Variants in HDLBP observed in about 807,000 individuals in gnomAD.
The protein encoded by HDLBP is high density lipoprotein binding protein.
A neutral mutation model predicts 137.3 loss-of-function variants in HDLBP; 30 were observed. The ratio of observed to expected loss-of-function variants is 0.22; its 90% CI spans 0.16 to 0.30. The LOEUF (loss-of-function observed/expected upper bound fraction) is 0.30, where lower values mean the gene tolerates loss of function less well. Among genes scored for constraint, HDLBP ranks in the 10% least tolerant of loss-of-function variants. HDLBP has a pLI of 1.00. For synonymous variants in HDLBP, 606 were observed against 596.0 expected (o/e 1.02, Z -0.24); for missense variants, 1,119 against 1,667.3 (o/e 0.67, Z 5.73).
intron 1 of HDLBP, among the ~76,000 whole-genome samples, chr2:241,275,414 G>C (rs1169709102): frequency 6.6e-6 from 1 of 152,108 alleles, no homozygotes; most frequent in Non-Finnish European, 1.5e-5. Flanking sequence ...TGGAACGAAT[G>C]AAAGAGCTAA....
intron 1 of HDLBP, among the ~76,000 whole-genome samples, chr2:241,292,224 A>G (rs1353993269): frequency 2.0e-5 from 3 of 151,276 alleles, no homozygotes; most frequent in Non-Finnish European, 4.4e-5. Context: ...AAACCAATTA[A>G]GCATCCTGAC....
At chr2:241,252,220 T>A (rs1276240614) in intron 11 of HDLBP, among the ~76,000 whole-genome samples, 1 of 151,168 alleles carries the variant, frequency 6.6e-6, no homozygotes, top group East Asian at 2.0e-4. Context: ...AGAATCCCCC[T>A]GCTGGGTGTG....
chr2:241,301,562 A>G (rs1490790217), intron 1 of HDLBP, among the ~76,000 whole-genome samples: 3 of 152,306 alleles, frequency 2.0e-5, no homozygotes, highest in Non-Finnish European at 4.4e-5. Flanking sequence ...CACACCTGTA[A>G]TCATCTAATA....
intron 1 of HDLBP, among the ~76,000 whole-genome samples, chr2:241,278,304 C>T (rs1422983704): frequency 6.6e-6 from 1 of 152,206 alleles, no homozygotes; most frequent in African/African-American, 2.4e-5. Flanking sequence ...TTCAAATAGG[C>T]TGGGCACGGT....
chr2:241,239,351 CCT>C lies in HDLBP; in HGVS notation c.2610+249_2610+250del, dbSNP rs1450722972. ...TGCTTTCTTTCCTCTCTCTCTCTCC[CCT>C]CTCCTCTTCTCCTTCTCTCTCTCTT... On this transcript the variant is annotated intron_variant, in intron 19 of 27. Coordinates refer to ENST00000310931, the MANE Select transcript of HDLBP (RefSeq NM_005336.6). This position sits in a 1 kb window ranked among gnomAD's most constrained non-coding sequence, Gnocchi z 4.6. Among the ~76,000 whole-genome samples, 2 of 152,076 alleles carry C rather than the reference CCT, an allele frequency of 1.3e-5. No individual in the cohort carries two copies. The highest frequency in any genetic ancestry group is 1.3e-4 in the Admixed American group (2 of 15,264).
At chr2:241,298,396 G>C (rs568209959) in intron 1 of HDLBP, among the ~76,000 whole-genome samples, 3 of 151,922 alleles carry the variant, frequency 2.0e-5, no homozygotes, top group Non-Finnish European at 2.9e-5. Flanking sequence ...AAAATAAATA[G>C]ATAAATAAAT....
chr2:241,273,488 G>A, intron 1 of HDLBP: 1 of 656,436 alleles, frequency 1.5e-6, no homozygotes, highest in Non-Finnish European at 1.9e-6. Flanking sequence ...GGGCGGAACG[G>A]AATCCCTACT....
chr2:241,237,847 GACA>G (rs2070744810), intron 20 of HDLBP, among the ~76,000 whole-genome samples: 1 of 152,186 alleles, frequency 6.6e-6, no homozygotes, highest in Non-Finnish European at 1.5e-5. Context: ...GTAAAACATA[GACA>G]GAGTGCAGTA....
chr2:241,295,707 G>A (rs2075152493), intron 1 of HDLBP, among the ~76,000 whole-genome samples: 1 of 152,182 alleles, frequency 6.6e-6, no homozygotes, highest in Admixed American at 6.5e-5. Context: ...ATGACATTAA[G>A]TGAAAGATAC....
At chr2:241,262,647 T>A in intron 5 of HDLBP, 64 bp downstream of exon 5, 4 of 1,291,270 alleles carry the variant, frequency 3.1e-6, no homozygotes, top group Admixed American at 1.7e-5. Flanking sequence ...CTAGCCTGCA[T>A]CAGGAGCCGG....
At position 241,229,287 on chromosome 2, in the gene HDLBP, G is replaced by A. The variant is rs992119367; in HGVS notation, c.*314C>T. 2.0e-5 allele frequency: 6 copies of A among 302,216 alleles called. No homozygotes were observed. Among genetic ancestry groups the A allele is most frequent in the Admixed American group, 9.7e-5 (2 of 20,606 alleles). 18.7% of individuals were successfully genotyped at this position (302,216 alleles called of 1,614,324 possible). A position where few individuals can be genotyped will look rare whatever the true frequency, so the allele number is the denominator to read the frequency against. On this transcript the variant is annotated 3_prime_UTR_variant, in exon 28 of 28. Transcript: ENST00000310931. Reference sequence around the variant, plus strand: ...GAAGTGGAATCCTAGCCACGGCTGCGGAGCTCTCGTGATGAAGGCCAGAGT... The same window carrying A: ...GAAGTGGAATCCTAGCCACGGCTGCAGAGCTCTCGTGATGAAGGCCAGAGT...
intron 5 of HDLBP, among the ~76,000 whole-genome samples, chr2:241,258,746 C>T (rs959227640): frequency 6.6e-6 from 1 of 152,118 alleles, no homozygotes; most frequent in African/African-American, 2.4e-5. Context: ...GCAAGTGGCC[C>T]TTATATATTG....
At chr2:241,248,557 A>T (rs2071863090) in intron 12 of HDLBP, among the ~76,000 whole-genome samples, 1 of 152,082 alleles carries the variant, frequency 6.6e-6, no homozygotes, top group South Asian at 2.1e-4. Context: ...GCATCGCTAC[A>T]CTCCGCAACA....
chr2:241,290,400 CG>C (rs1271519569), intron 1 of HDLBP, among the ~76,000 whole-genome samples: 2 of 152,052 alleles, frequency 1.3e-5, no homozygotes, highest in Non-Finnish European at 2.9e-5. Context: ...TACCTGAGGT[CG>C]GGAGTTCGAG....
intron 1 of HDLBP, among the ~76,000 whole-genome samples, chr2:241,309,892 G>C (rs925027249): frequency 5.3e-5 from 8 of 152,232 alleles, no homozygotes; most frequent in Non-Finnish European, 8.8e-5. Flanking sequence ...GGAATCTGAA[G>C]AAACCCAAAG....
chr2:241,288,711 G>A (rs556490196), intron 1 of HDLBP, among the ~76,000 whole-genome samples: 1 of 152,280 alleles, frequency 6.6e-6, no homozygotes, highest in East Asian at 1.9e-4. Flanking sequence ...GCCGCTGAAA[G>A]GTGTTTCATG....
At chr2:241,288,046 A>G (rs907154367) in intron 1 of HDLBP, among the ~76,000 whole-genome samples, 1 of 152,238 alleles carries the variant, frequency 6.6e-6, no homozygotes, top group Non-Finnish European at 1.5e-5. Context: ...TGTGAGAGTT[A>G]TCAGCAGAAG....
rs1259875340 is a variant in HDLBP, at chr2:241,238,707, C to T, written c.2691G>A (p.Gln897=). 1.3e-6 allele frequency: 2 copies of T among 1,591,346 alleles called. No individual in the cohort carries two copies. The highest frequency in any genetic ancestry group is 2.3e-5 in the East Asian group (1 of 44,176). ...GAACACTGAAATCCCGAGTAATCTGCTGGATTCTGGAACCTTTGGGGCCCA... is the reference window on the plus strand; with the variant it reads ...GAACACTGAAATCCCGAGTAATCTGTTGGATTCTGGAACCTTTGGGGCCCA... The part of the protein sequence containing the change: ...SVMGPKGSRI[Q]QITRDFSVQI... The change falls in exon 20 of 28, where the codon CAG becomes CAA. Residue 897 remains glutamine (Q), a synonymous_variant. Transcript: ENST00000310931. This position sits in a 1 kb window ranked among gnomAD's most constrained non-coding sequence, Gnocchi z 4.9.
At chr2:241,273,598 TCGAG>T in intron 1 of HDLBP, 3 of 985,104 alleles carry the variant, frequency 3.0e-6, no homozygotes, top group Non-Finnish European at 3.6e-6. Flanking sequence ...ATAAAGGGAG[TCGAG>T]CAATCTGTAG....
Sources: gnomAD v4.1 joint callset for allele counts (sites outside exome capture counted in the v4.1 genomes callset) on GRCh38, gnomAD v4.1.1 for gene constraint, Gnocchi (gnomAD v3.1) non-coding constraint, MANE v1.5 for transcripts, NCBI Gene and HGNC (gene_info 2026-07-23, HGNC 2026-07-21) for gene names.